Variants in ABCC12 observed in about 807,000 individuals in gnomAD.
The protein encoded by ABCC12 is ATP-binding cassette sub-family C member 12.
A neutral mutation model predicts 151.1 loss-of-function variants in ABCC12; 142 were observed. The ratio of observed to expected loss-of-function variants is 0.94; its 90% CI spans 0.82 to 1.08. ABCC12 has a LOEUF of 1.08. Ranked by LOEUF, ABCC12 falls within the 50% of genes least tolerant of loss-of-function variation. The pLI is 0.00. For missense variants in ABCC12, 1,638 were observed against 1,691.1 expected (o/e 0.97, Z 0.55); for synonymous variants, 645 against 646.4 (o/e 1.00, Z 0.03).
Position 48,140,729 on chromosome 16 carries a change from G to C in ABCC12, c.615C>G (p.Asn205Lys). 6.2e-7 allele frequency: 1 copy of C among 1,614,216 alleles called. No homozygotes were observed. Among genetic ancestry groups the C allele is most frequent in the Non-Finnish European group, 8.5e-7 (1 of 1,180,030 alleles). ...GGGTCAATGTCTTGAAGGACACTAGGTTTTCAAAAACCAAGGTGGAGAGCG... is the reference window on the plus strand; with the variant it reads ...GGGTCAATGTCTTGAAGGACACTAGCTTTTCAAAAACCAAGGTGGAGAGCG... ...KVALSTLVFE[N>K]LVSFKTLTHI... The change falls in exon 6 of 31, where the codon AAC (asparagine) becomes AAG (lysine). Residue 205 changes from asparagine (N) to lysine (K), a missense_variant. By Grantham distance (94) the Asn-to-Lys change is moderately conservative (BLOSUM62 0). Transcript: ENST00000311303.
At chr16:48,107,977 C>T (rs971286032) in intron 19 of ABCC12, among the ~76,000 whole-genome samples, 3 of 151,942 alleles carry the variant, frequency 2.0e-5, no homozygotes, top group Non-Finnish European at 2.9e-5. Context: ...CCATTGCACT[C>T]CAGCCTGGGT....
chr16:48,146,639 C>T (rs1466234745), intron 2 of ABCC12, 165 bp from the exon 3 acceptor site: 12 of 549,972 alleles, frequency 2.2e-5, no homozygotes, highest in East Asian at 3.0e-5. Flanking sequence ...AGACCTGCTA[C>T]GTCCCTTAAT....
chr16:48,105,926 C>T (rs1472900572), intron 20 of ABCC12, among the ~76,000 whole-genome samples: 1 of 152,124 alleles, frequency 6.6e-6, no homozygotes. Flanking sequence ...GAGGAGGGTG[C>T]CCAGTGAATA....
rs1172897467 is a variant in ABCC12, at chr16:48,105,324, G to A, written c.2488C>T (p.Pro830Ser). ...LDKGSRMTCG[P>S]QGNRTMCEVG... ...TCACACATGGTCCTGTTGCCCTGGGGCCCACAGGTCATCTTTGGAGAAAAA... is the reference window on the plus strand; with the variant it reads ...TCACACATGGTCCTGTTGCCCTGGGACCCACAGGTCATCTTTGGAGAAAAA... The change falls in exon 21 of 31, where the codon CCC becomes TCC. Residue 830 changes from proline to serine, a missense_variant. Pro to Ser is a moderately conservative substitution (Grantham distance 74, BLOSUM62 -1). Transcript: ENST00000311303. 6.2e-7 allele frequency: 1 copy of A among 1,610,072 alleles called. No homozygotes were observed. The highest frequency in any genetic ancestry group is 8.5e-7 in the Non-Finnish European group (1 of 1,178,606).
chr16:48,119,220 C>G (rs1463352177), intron 13 of ABCC12, among the ~76,000 whole-genome samples: 1 of 152,234 alleles, frequency 6.6e-6, no homozygotes, highest in African/African-American at 2.4e-5. Flanking sequence ...ATCCACCATC[C>G]TCTCGTGATC....
chr16:48,154,754 T>G (rs1401154049), intron 1 of ABCC12, among the ~76,000 whole-genome samples: 1 of 152,278 alleles, frequency 6.6e-6, no homozygotes, highest in Non-Finnish European at 1.5e-5. Flanking sequence ...AACAACTTTA[T>G]GTTTGAGAAC....
intron 10 of ABCC12, among the ~76,000 whole-genome samples, chr16:48,129,245 G>A (rs1389056553): frequency 6.6e-6 from 1 of 152,212 alleles, no homozygotes; most frequent in Non-Finnish European, 1.5e-5. Context: ...ACAGTCTGGA[G>A]GGAGATGAGA....
Position 48,133,773 on chromosome 16 carries a change from C to A in ABCC12, c.1042G>T (p.Ala348Ser), listed in dbSNP as rs766172279. The change falls in exon 9 of 31, where the codon GCC becomes TCC. Residue 348 changes from alanine (A) to serine (S), a missense_variant. Physicochemically the swap from Ala to Ser is moderately conservative, Grantham distance 99. Transcript: ENST00000311303. ...ATGGTGGACACGATGGGGGCCAGGG[C>A]AGAGTTTCCACTTTGGACAAATCCA... is the stretch of plus-strand genomic sequence containing the variant. ...KAGFVQSGNS[A>S]LAPIVSTIAI... is the part of the protein sequence containing the mutation. The A allele has an allele frequency of 6.2e-7, 1 of 1,614,098 alleles. No homozygotes were observed. The highest frequency in any genetic ancestry group is 1.1e-5 in the South Asian group (1 of 91,074).
chr16:48,088,279 G>T (rs1180372488), intron 26 of ABCC12, among the ~76,000 whole-genome samples, 194 bp from the exon 27 acceptor site: 4 of 152,190 alleles, frequency 2.6e-5, no homozygotes, highest in African/African-American at 7.2e-5. Flanking sequence ...GCCCATCCTT[G>T]CAGGGGCCCT....
In ABCC12 at chr16:48,138,105, G is replaced by C. The variant is rs534700350; in HGVS notation, c.979+123C>G. On this transcript the variant is annotated intron_variant, in intron 8 of 30. Coordinates refer to ENST00000311303, the MANE Select transcript of ABCC12 (RefSeq NM_001393797.1). ...CCTTTGAAAAATTCTTTGACCTGCAGAGCAGCTCAGAGGGTCCCCTCAGCC... is the reference window on the plus strand; with the variant it reads ...CCTTTGAAAAATTCTTTGACCTGCACAGCAGCTCAGAGGGTCCCCTCAGCC... 82 of 1,047,830 alleles carry C rather than the reference G, an allele frequency of 7.8e-5. 1 individual carries two copies. The highest frequency in any genetic ancestry group is 1.1e-4 in the Non-Finnish European group (80 of 752,522). The allele number at this position is 1,047,830 out of a possible 1,614,324, so 64.9% of individuals were successfully genotyped here.
chr16:48,131,927 C>G lies in ABCC12; in HGVS notation c.1129-1032G>C, dbSNP rs147841942. ...CTTGGCTCAGGAAGCCCAGGCCTGG[C>G]TGACAGAGCGCATGGGCAGCCTGAT... is the stretch of plus-strand genomic sequence containing the variant. On this transcript the variant is annotated intron_variant, in intron 9 of 30. Coordinates refer to ENST00000311303, the MANE Select transcript of ABCC12 (RefSeq NM_001393797.1). 3.2e-4 allele frequency among the ~76,000 whole-genome samples: 49 copies of G among 152,334 alleles called. No individual in the cohort carries two copies. The East Asian group carries it at 5.8e-3, about 18-fold the overall frequency.
rs191030242 is a variant in ABCC12, at chr16:48,115,859, C to T, written c.1786-241G>A. On this transcript the variant is annotated intron_variant, in intron 14 of 30. Coordinates refer to ENST00000311303, the MANE Select transcript of ABCC12 (RefSeq NM_001393797.1). ...GGGCAGCGGCAACGAGGGCAAAGCT[C>T]TTTCCCATGAGGATTGAGGGGTGCC... Among the ~76,000 whole-genome samples the T allele has an allele frequency of 4.1e-3, 621 of 152,354 alleles. 4 individuals carry two copies. The highest frequency in any genetic ancestry group is 0.014 in the African/African-American group (572 of 41,578).
intron 13 of ABCC12, among the ~76,000 whole-genome samples, chr16:48,119,015 T>TGCAACTACAA (rs1467303851): frequency 1.3e-5 from 2 of 152,246 alleles, no homozygotes; most frequent in African/African-American, 4.8e-5. Flanking sequence ...TTTGCCAATC[T>TGCAACTACAA]GACTCAGACT....
intron 2 of ABCC12, among the ~76,000 whole-genome samples, chr16:48,148,922 G>A (rs1174788211): frequency 1.3e-5 from 2 of 151,674 alleles, no homozygotes; most frequent in East Asian, 1.9e-4. Context: ...TGTTTGTCTT[G>A]TTTGCAGCTA....
intron 8 of ABCC12, among the ~76,000 whole-genome samples, chr16:48,136,917 C>T (rs1239668591): frequency 6.6e-6 from 1 of 152,148 alleles, no homozygotes; most frequent in Non-Finnish European, 1.5e-5. Flanking sequence ...TCACCAAGGG[C>T]CAGATCATGT....
chr16:48,115,514 CA>C lies in ABCC12; in HGVS notation c.1889del (p.Leu630ArgfsTer29), dbSNP rs775830073. Reference protein sequence around the residue: ...DRQLYLLDDPLSAVDAHVGKH... With the variant: ...DRQLYLLDDPXSAVDAHVGKH... ...TCCCCACGTGGGCGTCCACGGCCGA[CA>C]GGGGGTCGTCCAGCAGGTAGAGCTG... On this transcript the variant is annotated frameshift_variant, in exon 15 of 31. Transcript: ENST00000311303. LOFTEE classifies it high-confidence loss of function. 9.3e-6 allele frequency: 15 copies of C among 1,614,216 alleles called. No homozygotes were observed. The highest frequency in any genetic ancestry group is 1.3e-5 in the Non-Finnish European group (15 of 1,180,040).
At chr16:48,133,947 G>A in intron 8 of ABCC12, 112 bp from the exon 9 acceptor site, 1 of 1,294,064 alleles carries the variant, frequency 7.7e-7, no homozygotes, top group Non-Finnish European at 1.1e-6. Flanking sequence ...CATGAGTCCT[G>A]TTGTGAAGTT....
At chr16:48,126,335 C>G (rs964992551) in intron 11 of ABCC12, among the ~76,000 whole-genome samples, 2 of 152,138 alleles carry the variant, frequency 1.3e-5, no homozygotes, top group African/African-American at 4.8e-5. Flanking sequence ...AGGCCTGTAT[C>G]CTCTGATGAT....
chr16:48,091,215 G>GA lies in ABCC12; in HGVS notation c.3196-7dup, dbSNP rs759690295. On this transcript the variant is annotated splice_polypyrimidine_tract_variant and splice_region_variant and intron_variant, in intron 24 of 30. Transcript: ENST00000311303. ...ACTTGGAGCAGTCCGCTCAGCTGTT[G>GA]AAAAGGAGCGAGCAGCCGCAGTTAG... 12 of 1,613,944 alleles carry GA rather than the reference G, an allele frequency of 7.4e-6. No homozygotes were observed. Among genetic ancestry groups the GA allele is most frequent in the Non-Finnish European group, 1.0e-5 (12 of 1,179,862 alleles).
Sources: allele counts gnomAD v4.1 joint callset (sites outside exome capture counted in the v4.1 genomes callset), GRCh38; gene constraint gnomAD v4.1.1; transcripts MANE v1.5; gene names NCBI Gene and HGNC (gene_info 2026-07-23, HGNC 2026-07-21).